ATP13A4: variants seen among roughly 807,000 people sequenced by gnomAD.
ATP13A4 encodes the protein probable cation-transporting ATPase 13A4.
A neutral mutation model predicts 142.5 loss-of-function variants in ATP13A4; 114 were observed. The ratio of observed to expected loss-of-function variants is 0.80; its 90% CI spans 0.69 to 0.93. The LOEUF is 0.93. Ranked by LOEUF, ATP13A4 falls within the 40% of genes least tolerant of loss-of-function variation. ATP13A4 has a pLI of 0.00. For missense variants in ATP13A4, 1,392 were observed against 1,454.0 expected, an observed-to-expected ratio of 0.96 and a Z score of 0.69; for synonymous variants, 488 against 514.8, an observed-to-expected ratio of 0.95 and a Z score of 0.70.
At chr3:193,566,945 G>A (rs1013197975) in intron 2 of ATP13A4, among the ~76,000 whole-genome samples, 2 of 152,114 alleles carry the variant, frequency 1.3e-5, no homozygotes, top group African/African-American at 4.8e-5. Context: ...ACCAAACACT[G>A]TTGTTAACTC....
chr3:193,451,378 G>T (rs1302322363), intron 17 of ATP13A4, among the ~76,000 whole-genome samples: 1 of 152,206 alleles, frequency 6.6e-6, no homozygotes, highest in African/African-American at 2.4e-5. Context: ...GCCTTTGTAT[G>T]GTTCAAGGCA....
rs1560226730 is a variant in ATP13A4, at chr3:193,489,757, T to C, written c.711A>G (p.Ile237Met). 2 of 1,610,362 alleles carry C rather than the reference T, an allele frequency of 1.2e-6. No homozygotes were observed. Among genetic ancestry groups the C allele is most frequent in the Middle Eastern group, 3.3e-4 (2 of 6,056 alleles). The change falls in exon 7 of 30, where the codon ATA (isoleucine) becomes ATG (methionine). Residue 237 changes from isoleucine to methionine, a missense_variant. Physicochemically the swap from Ile to Met is conservative, Grantham distance 10. Transcript: ENST00000342695. ...CTCTGAGATCATATACTGTCAAAGA[T>C]ATGGAAATTATGGACATGATTATGA... ...FAIIIMSIIS[I>M]SLTVYDLREQ... is the part of the protein sequence containing the mutation.
upstream of ATP13A4, among the ~76,000 whole-genome samples, chr3:193,556,866 A>T (rs950577241): frequency 1.3e-5 from 2 of 152,228 alleles, no homozygotes; most frequent in African/African-American, 4.8e-5. Context: ...TACAGAAAAA[A>T]ATATAAAACA....
At chr3:193,447,371 G>A (rs1381599643) in intron 18 of ATP13A4, among the ~76,000 whole-genome samples, 1 of 152,052 alleles carries the variant, frequency 6.6e-6, no homozygotes, top group South Asian at 2.1e-4. Context: ...GTACAAAAGA[G>A]GAAATAAAAG....
At chr3:193,544,766 A>C (rs1324231432) in intron 1 of ATP13A4, among the ~76,000 whole-genome samples, 1 of 152,202 alleles carries the variant, frequency 6.6e-6, no homozygotes, top group Non-Finnish European at 1.5e-5. Flanking sequence ...CTAAACTAAT[A>C]AGTACTGTGT....
At chr3:193,434,797 T>C (rs2108617499) in intron 24 of ATP13A4, among the ~76,000 whole-genome samples, 1 of 151,180 alleles carries the variant, frequency 6.6e-6, no homozygotes, top group East Asian at 2.0e-4. Context: ...TTTTTATATC[T>C]TGGTAAATAA....
intron 1 of ATP13A4, among the ~76,000 whole-genome samples, chr3:193,533,904 C>T (rs1043520626): frequency 6.6e-6 from 1 of 152,174 alleles, no homozygotes; most frequent in Admixed American, 6.5e-5. Flanking sequence ...GAGTCTGGGC[C>T]TCCACCCCCA....
At chr3:193,511,892 T>C (rs917983647) in intron 2 of ATP13A4, among the ~76,000 whole-genome samples, 1 of 152,224 alleles carries the variant, frequency 6.6e-6, no homozygotes, top group Non-Finnish European at 1.5e-5. Flanking sequence ...ACACATCATC[T>C]CCTCATTTAG....
chr3:193,561,344 C>A (rs936910112), intron 2 of ATP13A4, among the ~76,000 whole-genome samples: 1 of 152,172 alleles, frequency 6.6e-6, no homozygotes, highest in African/African-American at 2.4e-5. Context: ...ATGAAGAAAG[C>A]GGCAAGGCTG....
intron 8 of ATP13A4, among the ~76,000 whole-genome samples, chr3:193,473,420 T>C (rs1718736287): frequency 1.3e-5 from 2 of 152,150 alleles, no homozygotes; most frequent in African/African-American, 2.4e-5. Context: ...GAGATAACAT[T>C]AGAAAAGTCA....
chr3:193,503,626 G>C (rs895582359), intron 2 of ATP13A4, among the ~76,000 whole-genome samples: 1 of 152,174 alleles, frequency 6.6e-6, no homozygotes, highest in Non-Finnish European at 1.5e-5. Context: ...AGCTGACTCT[G>C]CAAAAGGCAG....
chr3:193,573,280 TATATATATACAC>T (rs1724315078), intron 2 of ATP13A4, among the ~76,000 whole-genome samples: 6 of 100,418 alleles, frequency 6.0e-5, no homozygotes, highest in African/African-American at 1.4e-4. Flanking sequence ...TATATACATA[TATATATATACAC>T]ATATATATAT....
In ATP13A4 at chr3:193,428,318, C is replaced by T. The variant is rs368237523; in HGVS notation, c.2842+5527G>A. Reference sequence around the variant, plus strand: ...AGGTGTTGGAGAGGATGTGGAGAAACAGGAACACTTTTACACTGTTGGTGG... The same window carrying T: ...AGGTGTTGGAGAGGATGTGGAGAAATAGGAACACTTTTACACTGTTGGTGG... On this transcript the variant is annotated intron_variant, in intron 25 of 29. Transcript: ENST00000342695. Among the ~76,000 whole-genome samples, 1,321 of 151,808 alleles carry T rather than the reference C, an allele frequency of 8.7e-3. 23 individuals carry two copies. Among genetic ancestry groups the T allele is most frequent in the African/African-American group, 0.03 (1,249 of 41,224 alleles).
chr3:193,588,477 C>G (rs1297167852), intron 1 of ATP13A4, among the ~76,000 whole-genome samples: 2 of 152,106 alleles, frequency 1.3e-5, no homozygotes, highest in African/African-American at 4.8e-5. Flanking sequence ...TTCCTAGTTT[C>G]TTCATTTAGC....
At chr3:193,585,047 C>G (rs897761922) in intron 1 of ATP13A4, among the ~76,000 whole-genome samples, 1 of 152,188 alleles carries the variant, frequency 6.6e-6, no homozygotes, top group Non-Finnish European at 1.5e-5. Context: ...CTGCAGCCTG[C>G]AGGCTGCATG....
chr3:193,473,406 A>G (rs1718735206), intron 8 of ATP13A4, among the ~76,000 whole-genome samples: 1 of 152,210 alleles, frequency 6.6e-6, no homozygotes, highest in African/African-American at 2.4e-5. Flanking sequence ...TTAATGTAGA[A>G]GGAGAGATAA....
chr3:193,433,398 G>A (rs1716087102), intron 25 of ATP13A4, among the ~76,000 whole-genome samples: 1 of 152,156 alleles, frequency 6.6e-6, no homozygotes, highest in Non-Finnish European at 1.5e-5. Flanking sequence ...AGAAGGTGGA[G>A]GGTAAGAGAG....
chr3:193,493,234 A>T (rs1301344829), intron 3 of ATP13A4, 74 bp from the exon 4 acceptor site: 4 of 1,268,906 alleles, frequency 3.2e-6, no homozygotes, highest in Non-Finnish European at 4.5e-6. Context: ...TGGCTAAAGA[A>T]GCATTTGTTT....
Position 193,465,051 on chromosome 3 carries a change from C to T in ATP13A4, c.1350G>A (p.Leu450=). The change falls in exon 12 of 30, where the codon CTG becomes CTA. Residue 450 remains leucine (L), a synonymous_variant. Transcript: ENST00000342695. The stretch of plus-strand genomic sequence containing the variant: ...TCTGGGCATAGATAATGCCTGTGGT[C>T]AGAGCAGCAGGTAGAGCCGGAGGAA... The part of the protein sequence containing the change: ...IAVPPALPAA[L]TTGIIYAQRR... 1 of 1,614,098 alleles carries T rather than the reference C, an allele frequency of 6.2e-7. No individual in the cohort carries two copies. The highest frequency in any genetic ancestry group is 8.5e-7 in the Non-Finnish European group (1 of 1,180,010).
Sources: gnomAD v4.1 joint callset for allele counts (sites outside exome capture counted in the v4.1 genomes callset) on GRCh38, gnomAD v4.1.1 for gene constraint, MANE v1.5 for transcripts, NCBI Gene and HGNC (gene_info 2026-07-23, HGNC 2026-07-21) for gene names.